Variants in MATR3 observed in about 807,000 individuals in gnomAD.
MATR3 encodes matrin-3.
MATR3 carries 4 observed loss-of-function variants against 85.5 expected under a neutral mutation model. That is an observed-to-expected ratio of 0.05 (90% confidence interval 0.02 to 0.11). MATR3 has a LOEUF of 0.11. MATR3 is among the 10% of genes least tolerant of loss of function. The pLI, the probability that MATR3 is intolerant of heterozygous loss-of-function variation, is 1.00. For synonymous variants in MATR3, 336 were observed against 343.1 expected, an observed-to-expected ratio of 0.98 and a Z score of 0.23; for missense variants, 685 against 1,016.1, an observed-to-expected ratio of 0.67 and a Z score of 4.43.
chr5:139,294,010 G>T, intron 1 of MATR3: 1 of 1,286,154 alleles, frequency 7.8e-7, no homozygotes, highest in Non-Finnish European at 9.9e-7. Context: ...GGCGCAACCA[G>T]CCTTCTAGGG....
At chr5:139,328,355 A>G (rs558978248) in intron 14 of MATR3, among the ~76,000 whole-genome samples, 5 of 152,278 alleles carry the variant, frequency 3.3e-5, no homozygotes, top group Admixed American at 2.0e-4. Context: ...CATTAACTAT[A>G]TAAAGTTGAA....
chr5:139,313,025 G>A (rs1250502467), intron 2 of MATR3: 1 of 134,180 alleles, frequency 7.5e-6, no homozygotes, highest in African/African-American at 2.8e-5. Flanking sequence ...ATATAAACCA[G>A]TTTTTTTTTT....
At chr5:139,311,650 AT>A (rs747665433) in intron 2 of MATR3, 1 of 150,188 alleles carries the variant, frequency 6.7e-6, no homozygotes, top group Non-Finnish European at 1.5e-5. Context: ...GTAGGATAAC[AT>A]TTATTTCTCT....
chr5:139,274,940 G>A (rs1753213989), intron 1 of MATR3, among the ~76,000 whole-genome samples: 1 of 151,706 alleles, frequency 6.6e-6, no homozygotes, highest in African/African-American at 2.4e-5. Context: ...AATGGTGACT[G>A]TGTAGGAATA....
intron 9 of MATR3, 96 bp downstream of exon 9, chr5:139,319,597 C>T: frequency 1.7e-6 from 2 of 1,197,984 alleles, no homozygotes; most frequent in Non-Finnish European, 2.4e-6. Context: ...CCTGTAATCC[C>T]AGCAGTTTGG....
intron 3 of MATR3, chr5:139,314,978 A>T (rs1207391139): frequency 4.5e-6 from 2 of 440,092 alleles, no homozygotes; most frequent in Non-Finnish European, 8.4e-6. Context: ...TGGTCATTAT[A>T]CAAATTGGTG....
chr5:139,308,043 G>T lies in MATR3; in HGVS notation c.628G>T (p.Glu210Ter). ...LDYDHGSRSQ[E>*]SGYYDRMDYE... ...TTATGACCATGGAAGTCGTTCTCAAGAATCTGGTTATTATGACAGAATGGA... is the reference window on the plus strand; with the variant it reads ...TTATGACCATGGAAGTCGTTCTCAATAATCTGGTTATTATGACAGAATGGA... Residue 210 changes from glutamate (E) to a stop codon, truncating the protein, a stop_gained, in exon 2 of 15, where the codon GAA (glutamate) becomes TAA (stop). Coordinates refer to ENST00000394805, the MANE Select transcript of MATR3 (RefSeq NM_018834.6). LOFTEE classifies it high-confidence loss of function. The T allele has an allele frequency of 1.2e-6, 2 of 1,614,158 alleles. No individual in the cohort carries two copies. Among genetic ancestry groups the T allele is most frequent in the South Asian group, 2.2e-5 (2 of 91,078 alleles).
rs373442739 is a variant in MATR3, at chr5:139,317,592, A to T, written c.1183-4A>T. On this transcript the variant is annotated splice_region_variant and splice_polypyrimidine_tract_variant and intron_variant, in intron 6 of 14. Coordinates refer to ENST00000394805, the MANE Select transcript of MATR3 (RefSeq NM_018834.6). Reference sequence around the variant, plus strand: ...TTGCTTGGTTTTTTTCCCCTAATGGATAGGAAACTAGCAGAGTTGTTCACA... The same window carrying T: ...TTGCTTGGTTTTTTTCCCCTAATGGTTAGGAAACTAGCAGAGTTGTTCACA... 8 of 1,611,522 alleles carry T rather than the reference A, an allele frequency of 5.0e-6. No individual in the cohort carries two copies. In the African/African-American group the frequency reaches 6.7e-5, roughly 13 times the overall value.
chr5:139,310,256 G>T (rs1754902422), intron 2 of MATR3: 1 of 152,170 alleles, frequency 6.6e-6, no homozygotes, highest in South Asian at 2.1e-4. Context: ...CTTTTAGCCT[G>T]TAAAAATGCT....
chr5:139,282,156 A>G (rs1195817987), intron 3 of MATR3, among the ~76,000 whole-genome samples: 1 of 152,246 alleles, frequency 6.6e-6, no homozygotes, highest in Non-Finnish European at 1.5e-5. Context: ...AAGAGTGACA[A>G]TGACTCCTGT....
At chr5:139,277,985 T>A (rs2151857356) in intron 2 of MATR3, among the ~76,000 whole-genome samples, 1 of 152,082 alleles carries the variant, frequency 6.6e-6, no homozygotes, top group African/African-American at 2.4e-5. Context: ...TTCCCAGCAC[T>A]TTGGGAGGCT....
At chr5:139,309,892 A>AT (rs1280603090) in intron 2 of MATR3, among the ~76,000 whole-genome samples, 5 of 152,180 alleles carry the variant, frequency 3.3e-5, no homozygotes, top group Non-Finnish European at 7.4e-5. Flanking sequence ...AGGAAATAAT[A>AT]GCAGAAATGT....
chr5:139,325,646 G>A lies in MATR3; in HGVS notation c.2355G>A (p.Gln785=), dbSNP rs761808612. ...IPDEYRIGPY[Q]PNVPVGIDYV... The stretch of plus-strand genomic sequence containing the variant: ...ATGAGTATAGAATTGGACCATATCA[G>A]CCCAATGTTCCTGTTGGTGAGATTT... The change falls in exon 13 of 15, where the codon CAG becomes CAA. Residue 785 remains glutamine (Q), a synonymous_variant. Transcript: ENST00000394805. 1.9e-6 allele frequency: 3 copies of A among 1,614,024 alleles called. No homozygotes were observed. The highest frequency in any genetic ancestry group is 2.5e-6 in the Non-Finnish European group (3 of 1,179,908).
At chr5:139,289,824 CT>C (rs1183863742), upstream of MATR3, among the ~76,000 whole-genome samples, 1 of 152,210 alleles carries the variant, frequency 6.6e-6, no homozygotes, top group African/African-American at 2.4e-5. Flanking sequence ...GCATTGAGTA[CT>C]TTTTGTCTTC....
Position 139,296,684 on chromosome 5 carries a change from CAG to C in MATR3, c.-178+2881_-178+2882del, listed in dbSNP as rs751701582. Among the ~76,000 whole-genome samples, 14 of 152,236 alleles carry C rather than the reference CAG, an allele frequency of 9.2e-5. No individual in the cohort carries two copies. The East Asian group carries it at 2.7e-3, about 29-fold the overall frequency. ...ATTGGGTATAAGCAAACACAGGAAT[CAG>C]AATATTCTTAGGCAAAAATGTTAAA... On this transcript the variant is annotated intron_variant, in intron 1 of 14. Transcript: ENST00000394805.
intron 1 of MATR3, among the ~76,000 whole-genome samples, chr5:139,296,504 A>G (rs1293897302): frequency 6.6e-6 from 1 of 152,228 alleles, no homozygotes; most frequent in African/African-American, 2.4e-5. Flanking sequence ...AGAGAAAAAA[A>G]TGAAAAACAT....
intron 3 of MATR3, 36 bp downstream of exon 3, chr5:139,314,772 G>T (rs73255232): frequency 2.5e-6 from 4 of 1,587,502 alleles, no homozygotes; most frequent in Non-Finnish European, 3.5e-6. Flanking sequence ...CATCCTTATC[G>T]TGAATCAGAA....
At chr5:139,318,036 A>G (rs752526027) in intron 7 of MATR3, among the ~76,000 whole-genome samples, 29 of 152,236 alleles carry the variant, frequency 1.9e-4, no homozygotes, top group African/African-American at 3.1e-4. Context: ...TTTTAGTCCA[A>G]TTGGCATAGT....
At chr5:139,282,532 A>G (rs1286208523) in intron 3 of MATR3, among the ~76,000 whole-genome samples, 1 of 152,220 alleles carries the variant, frequency 6.6e-6, no homozygotes, top group Non-Finnish European at 1.5e-5. Flanking sequence ...TTTATTTTAC[A>G]ATACTTTTAG....
Sources: allele counts gnomAD v4.1 joint callset (sites outside exome capture counted in the v4.1 genomes callset), GRCh38; gene constraint gnomAD v4.1.1; transcripts MANE v1.5; gene names NCBI Gene and HGNC (gene_info 2026-07-23, HGNC 2026-07-21).